DTNB: variants seen among roughly 807,000 people sequenced by gnomAD.
The protein encoded by DTNB is dystrobrevin beta.
In DTNB, 63 loss-of-function variants were observed where a neutral mutation model predicts 90.7. The ratio of observed to expected loss-of-function variants is 0.69; its 90% CI spans 0.57 to 0.86. DTNB has a LOEUF of 0.86. Ranked by LOEUF, DTNB falls within the 40% of genes least tolerant of loss-of-function variation. The pLI, the probability that DTNB is intolerant of heterozygous loss-of-function variation, is 0.00. For missense variants in DTNB, 744 were observed against 807.1 expected (o/e 0.92, Z 0.95); for synonymous variants, 277 against 286.7 (o/e 0.97, Z 0.34).
intron 9 of DTNB, among the ~76,000 whole-genome samples, chr2:25,512,939 C>G (rs184550775): frequency 1.3e-5 from 2 of 152,284 alleles, no homozygotes; most frequent in East Asian, 1.9e-4. Flanking sequence ...AATTCCAGCA[C>G]GAGGAGTGCC....
chr2:25,459,587 G>A (rs2060608985), intron 10 of DTNB, among the ~76,000 whole-genome samples: 1 of 152,096 alleles, frequency 6.6e-6, no homozygotes, highest in Admixed American at 6.5e-5. Flanking sequence ...TCAGCCTCCT[G>A]GGTTCAAGTG....
chr2:25,378,836 G>A (rs2036658711), intron 20 of DTNB, among the ~76,000 whole-genome samples: 1 of 152,236 alleles, frequency 6.6e-6, no homozygotes, highest in African/African-American at 2.4e-5. Context: ...TGAATCACAT[G>A]TCTGTGGGTC....
At chr2:25,415,439 G>T (rs929909341) in intron 16 of DTNB, among the ~76,000 whole-genome samples, 5 of 151,900 alleles carry the variant, frequency 3.3e-5, no homozygotes, top group Admixed American at 1.3e-4. Context: ...TAGAGATGGG[G>T]TTTCACTATG....
At chr2:25,527,682 A>T (rs1348667599) in intron 9 of DTNB, among the ~76,000 whole-genome samples, 1 of 152,218 alleles carries the variant, frequency 6.6e-6, no homozygotes, top group Admixed American at 6.5e-5. Context: ...CTACCAATAC[A>T]AAATACTCCA....
intron 4 of DTNB, among the ~76,000 whole-genome samples, chr2:25,612,305 A>G (rs1169751580): frequency 1.3e-5 from 2 of 152,178 alleles, no homozygotes; most frequent in Non-Finnish European, 2.9e-5. Context: ...CTATGTTAAA[A>G]AAGAGAGAGA....
intron 9 of DTNB, among the ~76,000 whole-genome samples, chr2:25,518,598 C>T (rs1460982536): frequency 3.3e-5 from 5 of 152,046 alleles, no homozygotes; most frequent in African/African-American, 7.2e-5. Flanking sequence ...CTCACACTCA[C>T]GTACACACAC....
chr2:25,546,843 C>CTT (rs930703040), intron 8 of DTNB, among the ~76,000 whole-genome samples: 8 of 145,590 alleles, frequency 5.5e-5, no homozygotes, highest in Admixed American at 5.5e-4. Flanking sequence ...ATCTTCTATT[C>CTT]TTTTTTTTTT....
Position 25,502,028 on chromosome 2 carries a change from T to C in DTNB, c.1002-19155A>G, listed in dbSNP as rs761673056. 2.6e-3 allele frequency among the ~76,000 whole-genome samples: 399 copies of C among 151,858 alleles called. 1 individual carries two copies. The highest frequency in any genetic ancestry group is 3.9e-3 in the Non-Finnish European group (267 of 67,910). On this transcript the variant is annotated intron_variant, in intron 9 of 20. Coordinates refer to ENST00000406818, the MANE Select transcript of DTNB (RefSeq NM_021907.5). ...TAGTGAGATGCTGTTTCTACAAAAA[T>C]AAAAAATTAGCTGGGCATGGTGGTG...
chr2:25,547,323 CTT>C (rs57298172), intron 8 of DTNB, among the ~76,000 whole-genome samples: 13 of 115,560 alleles, frequency 1.1e-4, no homozygotes, highest in Admixed American at 3.6e-4. Context: ...TCTTTCTTTC[CTT>C]TTTTTTTTTT....
At chr2:25,495,864 A>G (rs1377604357) in intron 9 of DTNB, among the ~76,000 whole-genome samples, 1 of 152,252 alleles carries the variant, frequency 6.6e-6, no homozygotes, top group African/African-American at 2.4e-5. Flanking sequence ...ATTTAAGTTT[A>G]CTGATCATTT....
chr2:25,442,475 G>A (rs1414816452), intron 12 of DTNB, among the ~76,000 whole-genome samples: 1 of 152,212 alleles, frequency 6.6e-6, no homozygotes, highest in Non-Finnish European at 1.5e-5. Flanking sequence ...GGCAGCAGTA[G>A]TTTCAAAAAC....
chr2:25,632,567 G>C (rs566665651), intron 3 of DTNB, among the ~76,000 whole-genome samples: 5 of 152,190 alleles, frequency 3.3e-5, no homozygotes, highest in Non-Finnish European at 5.9e-5. Context: ...AGTTATCATG[G>C]GAGTAGGACT....
At chr2:25,419,729 G>C (rs78704907) in intron 15 of DTNB, among the ~76,000 whole-genome samples, 194 bp from the exon 16 acceptor site, 4 of 152,198 alleles carry the variant, frequency 2.6e-5, no homozygotes, top group East Asian at 1.9e-4. Flanking sequence ...AGCAGGCCTC[G>C]GCCCGGTGAG....
chr2:25,522,538 T>C, intron 9 of DTNB, among the ~76,000 whole-genome samples: 1 of 152,164 alleles, frequency 6.6e-6, no homozygotes, highest in East Asian at 1.9e-4. Flanking sequence ...TTGTGGAGTT[T>C]ACATTTTTGT....
chr2:25,671,788 T>C (rs962312410), intron 1 of DTNB, among the ~76,000 whole-genome samples: 1 of 152,150 alleles, frequency 6.6e-6, no homozygotes, highest in Non-Finnish European at 1.5e-5. Context: ...AAGTTTTAAT[T>C]TGGCAGACAA....
At chr2:25,481,920 T>C (rs1415352277) in intron 10 of DTNB, 1 of 152,238 alleles carries the variant, frequency 6.6e-6, no homozygotes, top group Non-Finnish European at 1.5e-5. Context: ...GGAACAAACA[T>C]CATTGTCTTA....
At chr2:25,584,979 T>C (rs181423812) in intron 6 of DTNB, among the ~76,000 whole-genome samples, 51 of 152,334 alleles carry the variant, frequency 3.3e-4, no homozygotes, top group African/African-American at 1.2e-3. Context: ...TTGAGACCTG[T>C]TAGGAGAGGC....
chr2:25,501,030 A>T (rs2070512013), intron 9 of DTNB, among the ~76,000 whole-genome samples: 1 of 152,228 alleles, frequency 6.6e-6, no homozygotes, highest in Admixed American at 6.5e-5. Context: ...CAAATACCTA[A>T]GATCCTCAGG....
chr2:25,581,898 C>T (rs1453024806), intron 6 of DTNB, among the ~76,000 whole-genome samples: 2 of 152,162 alleles, frequency 1.3e-5, no homozygotes, highest in Non-Finnish European at 2.9e-5. Context: ...GGTGCATGGC[C>T]GTCGGCTGCC....
Sources: allele counts gnomAD v4.1 joint callset (sites outside exome capture counted in the v4.1 genomes callset), GRCh38; gene constraint gnomAD v4.1.1; transcripts MANE v1.5; gene names NCBI Gene and HGNC (gene_info 2026-07-23, HGNC 2026-07-21).